Variants in CRY2 observed in about 807,000 individuals in gnomAD.
CRY2 encodes cryptochrome-2.
CRY2 carries 31 observed loss-of-function variants against 69.5 expected under a neutral mutation model. The ratio of observed to expected loss-of-function variants is 0.45; its 90% CI spans 0.34 to 0.60. The LOEUF (loss-of-function observed/expected upper bound fraction) is 0.60. Among genes scored for constraint, CRY2 ranks in the 20% least tolerant of loss-of-function variants. CRY2 has a pLI of 0.02. For missense variants in CRY2, 606 were observed against 797.8 expected, an observed-to-expected ratio of 0.76 and a Z score of 2.90; for synonymous variants, 303 against 312.2, an observed-to-expected ratio of 0.97 and a Z score of 0.31.
chr11:45,873,566 G>C (rs1305781619), intron 11 of CRY2, among the ~76,000 whole-genome samples: 1 of 152,230 alleles, frequency 6.6e-6, no homozygotes, highest in Non-Finnish European at 1.5e-5. Flanking sequence ...AGAACAGAGA[G>C]GTTAAATGTC....
chr11:45,867,484 CAG>C, intron 5 of CRY2, 126 bp from the exon 6 acceptor site: 1 of 1,222,892 alleles, frequency 8.2e-7, no homozygotes, highest in Non-Finnish European at 1.2e-6. Flanking sequence ...TGGACAAGCA[CAG>C]TGTTCCATGG....
rs1189333575 is a variant in CRY2, at chr11:45,882,620, T to TGGGAG, written c.*1715_*1719dup. On this transcript the variant is annotated 3_prime_UTR_variant, in exon 12 of 12. Transcript: ENST00000616080. ...CTTCACTAGAAATGTCCCATCATCG[T>TGGGAG]GGGAGGGGAGCAGGGCACAGGGGAT... is the stretch of plus-strand genomic sequence containing the variant. 1 of 398,980 alleles carries TGGGAG rather than the reference T, an allele frequency of 2.5e-6. No individual in the cohort carries two copies. The highest frequency in any genetic ancestry group is 3.6e-5 in the East Asian group (1 of 28,088). 24.7% of individuals were successfully genotyped at this position (398,980 alleles called of 1,614,324 possible).
intron 5 of CRY2, 69 bp downstream of exon 5, chr11:45,862,217 T>G: frequency 1.4e-6 from 2 of 1,437,882 alleles, no homozygotes; most frequent in Non-Finnish European, 1.9e-6. Context: ...ACAGGTCATG[T>G]CCATGTCCTT....
chr11:45,852,612 C>G (rs2086206286), intron 1 of CRY2, among the ~76,000 whole-genome samples: 1 of 152,202 alleles, frequency 6.6e-6, no homozygotes, highest in Non-Finnish European at 1.5e-5. Context: ...GCCCTCCCTT[C>G]CCGGGTTGAC....
upstream of CRY2, chr11:45,847,377 TG>T: frequency 1.3e-6 from 2 of 1,594,780 alleles, no homozygotes. Context: ...TGGGGCCCTG[TG>T]GGCGGGGACT....
Position 45,867,715 on chromosome 11 carries a change from G to A in CRY2, c.845G>A (p.Arg282His), listed in dbSNP as rs772826263. 35 of 1,614,064 alleles carry A rather than the reference G, an allele frequency of 2.2e-5. No individual in the cohort carries two copies. The highest frequency in any genetic ancestry group is 2.5e-5 in the Non-Finnish European group (30 of 1,180,048). Residue 282 changes from arginine (R) to histidine (H), a missense_variant, in exon 6 of 12, where the codon CGC (arginine) becomes CAC (histidine). Arg to His is a conservative substitution (Grantham distance 29). Transcript: ENST00000616080. ...CTGCGCTTTGGTTGTCTCTCCTGCC[G>A]CCTCTTCTACTACCGCCTGTGGGAC... is the stretch of plus-strand genomic sequence containing the variant. ...PYLRFGCLSC[R>H]LFYYRLWDLY...
At chr11:45,858,008 G>A (rs1385551461) in intron 2 of CRY2, among the ~76,000 whole-genome samples, 3 of 152,206 alleles carry the variant, frequency 2.0e-5, no homozygotes, top group Non-Finnish European at 4.4e-5. Flanking sequence ...CTTCTTGCAA[G>A]TTGCATGCTC....
At chr11:45,848,213 C>CT (rs1353894457) in intron 1 of CRY2, among the ~76,000 whole-genome samples, 4 of 152,204 alleles carry the variant, frequency 2.6e-5, no homozygotes. Context: ...CCTGGCTACC[C>CT]TGCACCCAGA....
intron 9 of CRY2, 54 bp from the exon 10 acceptor site, chr11:45,870,788 G>T: frequency 2.7e-6 from 4 of 1,478,656 alleles, no homozygotes; most frequent in Non-Finnish European, 2.8e-6. Flanking sequence ...CTGCCCTGTA[G>T]CCCTCTGCAA....
At chr11:45,878,748 C>T (rs1248928477) in intron 11 of CRY2, among the ~76,000 whole-genome samples, 1 of 150,754 alleles carries the variant, frequency 6.6e-6, no homozygotes, top group Non-Finnish European at 1.5e-5. Context: ...CATGGTGAAA[C>T]CCCATCTCTA....
chr11:45,877,638 G>A (rs1193397395), intron 11 of CRY2, among the ~76,000 whole-genome samples: 2 of 152,254 alleles, frequency 1.3e-5, no homozygotes, highest in African/African-American at 4.8e-5. Flanking sequence ...GGACAACTAA[G>A]AGATTGATTT....
upstream of CRY2, chr11:45,847,465 G>T (rs750388930): frequency 6.3e-7 from 1 of 1,597,720 alleles, no homozygotes; most frequent in Non-Finnish European, 8.5e-7. Context: ...GGCGGAGCGG[G>T]GGTGGCTGGA....
In CRY2 at chr11:45,882,711, G is replaced by A; in HGVS notation, c.*1800G>A. Reference sequence around the variant, plus strand: ...CCTCAGCCCCAGTCGAGAGGAAAGAGAATCGGGCCACTGCCAGAAAGAGAG... The same window carrying A: ...CCTCAGCCCCAGTCGAGAGGAAAGAAAATCGGGCCACTGCCAGAAAGAGAG... On this transcript the variant is annotated 3_prime_UTR_variant, in exon 12 of 12. Transcript: ENST00000616080. 1 of 398,914 alleles carries A rather than the reference G, an allele frequency of 2.5e-6. No homozygotes were observed. The highest frequency in any genetic ancestry group is 3.6e-5 in the East Asian group (1 of 28,084). 24.7% of individuals were successfully genotyped at this position (398,914 alleles called of 1,614,324 possible).
At chr11:45,864,908 C>T (rs2086317779) in intron 5 of CRY2, among the ~76,000 whole-genome samples, 2 of 151,922 alleles carry the variant, frequency 1.3e-5, no homozygotes, top group Non-Finnish European at 2.9e-5. Context: ...TACAGGCTCC[C>T]ACAATCATGC....
At chr11:45,866,164 G>C (rs2086329205) in intron 5 of CRY2, among the ~76,000 whole-genome samples, 1 of 152,178 alleles carries the variant, frequency 6.6e-6, no homozygotes, top group Non-Finnish European at 1.5e-5. Flanking sequence ...TGGAAGGGTG[G>C]GTTAAAAGAA....
intron 11 of CRY2, among the ~76,000 whole-genome samples, chr11:45,879,293 TC>T (rs1241288072): frequency 6.6e-6 from 1 of 152,044 alleles, no homozygotes; most frequent in Non-Finnish European, 1.5e-5. Context: ...TTATGTCTGC[TC>T]TTTATTTTGC....
chr11:45,854,900 C>G (rs1251426833), intron 1 of CRY2, among the ~76,000 whole-genome samples: 1 of 152,172 alleles, frequency 6.6e-6, no homozygotes, highest in Admixed American at 6.5e-5. Context: ...TGCAGAAATG[C>G]ACTTAAAAAG....
intron 1 of CRY2, among the ~76,000 whole-genome samples, chr11:45,851,163 TC>T (rs1260978744): frequency 6.6e-6 from 1 of 152,102 alleles, no homozygotes; most frequent in Non-Finnish European, 1.5e-5. Flanking sequence ...TGTGAGCAGT[TC>T]CTAGATTTTA....
At chr11:45,854,452 G>A (rs1276934395) in intron 1 of CRY2, among the ~76,000 whole-genome samples, 1 of 152,202 alleles carries the variant, frequency 6.6e-6, no homozygotes, top group Non-Finnish European at 1.5e-5. Context: ...GGATGGCTGA[G>A]GAGGGCGGAT....
Sources: allele counts gnomAD v4.1 joint callset (sites outside exome capture counted in the v4.1 genomes callset), GRCh38; gene constraint gnomAD v4.1.1; transcripts MANE v1.5; gene names NCBI Gene and HGNC (gene_info 2026-07-23, HGNC 2026-07-21).